Variants in NRG1 observed in about 807,000 individuals in gnomAD.
NRG1 encodes the protein neuregulin 1, also known as pro-neuregulin-1, membrane-bound isoform.
A neutral mutation model predicts 63.8 loss-of-function variants in NRG1; 18 were observed. The ratio of observed to expected loss-of-function variants is 0.28; its 90% CI spans 0.19 to 0.42. The LOEUF is 0.42. NRG1 is among the 10% of genes least tolerant of loss of function. The probability of loss-of-function intolerance (pLI) is 1.00; values close to 1 mark genes in which losing one functional copy is unlikely to be tolerated. For missense variants in NRG1, 762 were observed against 814.7 expected (o/e 0.94, Z 0.79); for synonymous variants, 302 against 301.3 (o/e 1.00, Z -0.02).
At chr8:32,729,052 A>G (rs1822985889) in intron 6 of NRG1, among the ~76,000 whole-genome samples, 1 of 152,230 alleles carries the variant, frequency 6.6e-6, no homozygotes, top group South Asian at 2.1e-4. Flanking sequence ...TGGGTGACAG[A>G]GCGAGACTCC....
chr8:31,789,188 A>T (rs1417758434), intron 1 of NRG1, among the ~76,000 whole-genome samples: 1 of 152,208 alleles, frequency 6.6e-6, no homozygotes, highest in African/African-American at 2.4e-5. Context: ...GATTAGCTTT[A>T]TGGAGTTGTA....
chr8:31,991,990 C>G (rs1811178190), intron 1 of NRG1, among the ~76,000 whole-genome samples: 1 of 151,634 alleles, frequency 6.6e-6, no homozygotes, highest in African/African-American at 2.4e-5. Flanking sequence ...GCAATTCATC[C>G]AAGGGCGTCT....
At chr8:31,811,065 A>G (rs978398320) in intron 1 of NRG1, among the ~76,000 whole-genome samples, 2 of 152,246 alleles carry the variant, frequency 1.3e-5, no homozygotes, top group African/African-American at 2.4e-5. Flanking sequence ...AACTTTATTT[A>G]GAAAGAGGGT....
At chr8:32,619,499 G>A (rs1847961162) in intron 5 of NRG1, among the ~76,000 whole-genome samples, 1 of 152,170 alleles carries the variant, frequency 6.6e-6, no homozygotes, top group Non-Finnish European at 1.5e-5. Context: ...CTCACTGGGA[G>A]GAAGGGTAGA....
chr8:32,308,526 A>G (rs1268732710), intron 1 of NRG1, among the ~76,000 whole-genome samples: 1 of 152,172 alleles, frequency 6.6e-6, no homozygotes, highest in Non-Finnish European at 1.5e-5. Context: ...TATTATTTCC[A>G]CAATTCAGCA....
chr8:32,351,095 G>T (rs1381887323), intron 1 of NRG1, among the ~76,000 whole-genome samples: 1 of 152,066 alleles, frequency 6.6e-6, no homozygotes, highest in Non-Finnish European at 1.5e-5. Flanking sequence ...TTTTACTTTG[G>T]TACTGGGACA....
intron 1 of NRG1, among the ~76,000 whole-genome samples, chr8:32,236,196 C>T (rs1165625555): frequency 2.0e-5 from 3 of 151,254 alleles, no homozygotes; most frequent in South Asian, 2.1e-4. Flanking sequence ...TGAATGACAT[C>T]GTTTTTTGGA....
chr8:32,000,172 C>G (rs1812688522), intron 1 of NRG1, among the ~76,000 whole-genome samples: 1 of 151,930 alleles, frequency 6.6e-6, no homozygotes, highest in African/African-American at 2.4e-5. Flanking sequence ...CAGTGGCAAA[C>G]AGTAAAGGTT....
chr8:32,337,415 C>G (rs1430323011), intron 1 of NRG1, among the ~76,000 whole-genome samples: 1 of 151,852 alleles, frequency 6.6e-6, no homozygotes, highest in Admixed American at 6.6e-5. Flanking sequence ...ATGTAAGTAC[C>G]ACTAAGATGG....
intron 1 of NRG1, among the ~76,000 whole-genome samples, chr8:31,955,042 G>A (rs377473239): frequency 3.5e-4 from 54 of 152,258 alleles, no homozygotes; most frequent in East Asian, 1.4e-3. Context: ...AAGAGAGTAA[G>A]TGAGATGTCA....
intron 1 of NRG1, among the ~76,000 whole-genome samples, chr8:32,239,745 A>G (rs1031878900): frequency 5.3e-5 from 8 of 152,164 alleles, no homozygotes; most frequent in African/African-American, 1.7e-4. Context: ...GAAAATGGGC[A>G]AGAAACATAA....
At chr8:32,714,191 C>T (rs1340067448) in intron 5 of NRG1, among the ~76,000 whole-genome samples, 1 of 152,098 alleles carries the variant, frequency 6.6e-6, no homozygotes, top group Non-Finnish European at 1.5e-5. Context: ...ATGTGTTCTT[C>T]TTGTTTACCT....
At chr8:32,000,521 C>T (rs909446735) in intron 1 of NRG1, among the ~76,000 whole-genome samples, 2 of 151,914 alleles carry the variant, frequency 1.3e-5, no homozygotes, top group African/African-American at 4.8e-5. Flanking sequence ...CCCACCTCAG[C>T]CCCCCAAAGT....
chr8:31,713,543 T>C (rs1812039985), intron 1 of NRG1, among the ~76,000 whole-genome samples: 1 of 152,180 alleles, frequency 6.6e-6, no homozygotes, highest in Non-Finnish European at 1.5e-5. Context: ...GTAAGCTACT[T>C]AACCTCACTC....
intron 11 of NRG1, chr8:32,763,189 A>G (rs756809246): frequency 3.7e-6 from 6 of 1,608,752 alleles, no homozygotes; most frequent in East Asian, 2.2e-5. Context: ...GAATAAATCT[A>G]AGTTACTATG....
chr8:32,610,628 C>T (rs532089542), intron 3 of NRG1, among the ~76,000 whole-genome samples: 1 of 152,202 alleles, frequency 6.6e-6, no homozygotes, highest in African/African-American at 2.4e-5. Context: ...GAAAATAATA[C>T]AGTCAAGCAT....
chr8:32,251,515 C>T (rs879097841), intron 1 of NRG1, among the ~76,000 whole-genome samples: 1 of 152,240 alleles, frequency 6.6e-6, no homozygotes, highest in Middle Eastern at 3.4e-3. Flanking sequence ...CTACAATAAA[C>T]ATATGTGTGC....
Position 32,323,482 on chromosome 8 carries a change from G to T in NRG1, c.38-272346G>T, listed in dbSNP as rs540022507. Among the ~76,000 whole-genome samples the T allele has an allele frequency of 1.5e-3, 227 of 152,198 alleles. 1 individual carries two copies. Among genetic ancestry groups the T allele is most frequent in the Admixed American group, 2.1e-3 (32 of 15,276 alleles). Reference sequence around the variant, plus strand: ...TAGCATGCAGCAGTTCAGAGACAGGGCTCACCCGCCCATCTCTTCCATCAG... The same window carrying T: ...TAGCATGCAGCAGTTCAGAGACAGGTCTCACCCGCCCATCTCTTCCATCAG... On this transcript the variant is annotated intron_variant, in intron 1 of 10. Coordinates refer to the NRG1 transcript ENST00000519301.
rs554353112 is a variant in NRG1 at position 32,065,251 on chromosome 8, G to T, written c.37+425820G>T. Among the ~76,000 whole-genome samples, 12 of 151,678 alleles carry T rather than the reference G, an allele frequency of 7.9e-5. 1 individual carries two copies. In the South Asian group the frequency reaches 2.5e-3, roughly 32 times the overall value. On this transcript the variant is annotated intron_variant, in intron 1 of 10. Transcript: ENST00000519301. ...AAGTTTTAGGGTACATGTGCACAAC[G>T]TGCAGGTTTGTTACATATGTATACA...
Sources: gnomAD v4.1 joint callset for allele counts (sites outside exome capture counted in the v4.1 genomes callset) on GRCh38, gnomAD v4.1.1 for gene constraint, MANE v1.5 for transcripts, NCBI Gene and HGNC (gene_info 2026-07-23, HGNC 2026-07-21) for gene names.